EVI5: variants seen among roughly 807,000 people sequenced by gnomAD.
EVI5 encodes the protein ecotropic viral integration site 5.
EVI5 carries 73 observed loss-of-function variants against 112.0 expected under a neutral mutation model. The ratio of observed to expected loss-of-function variants is 0.65; its 90% CI spans 0.54 to 0.79. EVI5 has a LOEUF of 0.79. EVI5 is among the 30% of genes least tolerant of loss of function. The pLI is 0.00. For synonymous variants in EVI5, 305 were observed against 319.9 expected (o/e 0.95, Z 0.50); for missense variants, 900 against 968.8 (o/e 0.93, Z 0.94).
intron 18 of EVI5, among the ~76,000 whole-genome samples, chr1:92,587,388 CAA>C (rs35229896): frequency 0.83 from 103,809 of 124,354 alleles, 42,523 homozygotes; most frequent in South Asian, 0.92. Context: ...GCTTCAGGGG[CAA>C]AAAAAAAAAA....
chr1:92,652,893 C>T (rs139201427), intron 13 of EVI5, among the ~76,000 whole-genome samples: 211 of 152,266 alleles, frequency 1.4e-3, no homozygotes, highest in African/African-American at 4.7e-3. Flanking sequence ...TGGCAGAGAT[C>T]GGCTAGGAAC....
chr1:92,674,914 A>C (rs1666470568), intron 10 of EVI5, among the ~76,000 whole-genome samples: 1 of 152,240 alleles, frequency 6.6e-6, no homozygotes, highest in Non-Finnish European at 1.5e-5. Context: ...TGTTCCACTA[A>C]CTTTCTAAAC....
intron 19 of EVI5, among the ~76,000 whole-genome samples, chr1:92,535,053 A>G (rs1394926704): frequency 1.3e-5 from 2 of 152,220 alleles, no homozygotes; most frequent in Non-Finnish European, 2.9e-5. Flanking sequence ...AATATCCAGA[A>G]TCTACAAAGA....
chr1:92,703,231 T>C (rs1671473894), intron 4 of EVI5, among the ~76,000 whole-genome samples, 164 bp downstream of exon 4: 1 of 151,938 alleles, frequency 6.6e-6, no homozygotes, highest in South Asian at 2.1e-4. Context: ...CTATACTAGA[T>C]AGTAATGTAG....
intron 16 of EVI5, among the ~76,000 whole-genome samples, chr1:92,618,389 C>T (rs56015643): frequency 0.013 from 1,938 of 152,238 alleles, 40 homozygotes; most frequent in African/African-American, 0.044. Flanking sequence ...CTGGACACTT[C>T]GGGCTGTTCC....
chr1:92,703,853 C>G, intron 3 of EVI5: 1 of 348,546 alleles, frequency 2.9e-6, no homozygotes, highest in Non-Finnish European at 4.9e-6. Context: ...CAGTGTGTGA[C>G]CTCTTAAGGT....
chr1:92,612,279 A>G (rs1201292386), intron 16 of EVI5, among the ~76,000 whole-genome samples: 1 of 152,198 alleles, frequency 6.6e-6, no homozygotes. Context: ...AAGAGGAGGA[A>G]AGGAAGAAAA....
chr1:92,767,812 G>A (rs1178541682), intron 1 of EVI5, among the ~76,000 whole-genome samples: 1 of 152,152 alleles, frequency 6.6e-6, no homozygotes, highest in East Asian at 1.9e-4. Flanking sequence ...GAGCACAGTG[G>A]TTCACGCCTG....
chr1:92,608,115 C>A (rs1274155157), intron 16 of EVI5, among the ~76,000 whole-genome samples: 1 of 150,596 alleles, frequency 6.6e-6, no homozygotes, highest in Non-Finnish European at 1.5e-5. Context: ...TGAGCCACTG[C>A]ACTCCAGCCT....
intron 1 of EVI5, 111 bp downstream of exon 1, chr1:92,784,725 C>G (rs1230947403): frequency 1.2e-6 from 1 of 808,780 alleles, no homozygotes; most frequent in Non-Finnish European, 1.5e-6. Context: ...CACAGCAAAA[C>G]TTGCGGCGGC....
intron 9 of EVI5, among the ~76,000 whole-genome samples, chr1:92,690,805 C>T (rs1044085387): frequency 3.3e-5 from 5 of 152,134 alleles, no homozygotes; most frequent in African/African-American, 1.2e-4. Flanking sequence ...ATTACCTTAA[C>T]CTAGTCACCA....
At chr1:92,532,065 A>G (rs1017073013) in intron 19 of EVI5, among the ~76,000 whole-genome samples, 23 of 151,972 alleles carry the variant, frequency 1.5e-4, no homozygotes, top group Non-Finnish European at 3.1e-4. Context: ...AGACACACAT[A>G]GGCTCAAAAT....
chr1:92,571,029 T>C (rs966093590), intron 18 of EVI5, among the ~76,000 whole-genome samples: 1 of 151,874 alleles, frequency 6.6e-6, no homozygotes, highest in Admixed American at 6.6e-5. Flanking sequence ...GAAAACTATA[T>C]TTTTTATTAA....
chr1:92,592,059 T>C (rs570577715), intron 18 of EVI5, among the ~76,000 whole-genome samples: 18 of 152,086 alleles, frequency 1.2e-4, no homozygotes, highest in South Asian at 8.3e-4. Context: ...CTGGCTAACA[T>C]GGTGAAACCC....
At chr1:92,630,394 T>C (rs1248333308) in intron 14 of EVI5, among the ~76,000 whole-genome samples, 9 of 152,230 alleles carry the variant, frequency 5.9e-5, no homozygotes, top group Admixed American at 1.3e-4. Flanking sequence ...ATTGTGGTTT[T>C]GATTTGCATT....
chr1:92,732,400 C>CA (rs35893677), intron 2 of EVI5: 2 of 265,510 alleles, frequency 7.5e-6, no homozygotes, highest in Admixed American at 4.8e-5. Context: ...GGAAAGGTGA[C>CA]AAAAAATAGT....
Position 92,546,043 on chromosome 1 carries a change from T to A in EVI5, c.2166+17599A>T, listed in dbSNP as rs140825854. Among the ~76,000 whole-genome samples the A allele has an allele frequency of 1.2e-3, 177 of 152,240 alleles. 1 individual carries two copies. The highest frequency in any genetic ancestry group is 4.1e-3 in the African/African-American group (172 of 41,562). ...CTACTACAGTACTGCCCACACGAACTGCTTTTCCTTATCAGTCTAAACTCA... is the reference window on the plus strand; with the variant it reads ...CTACTACAGTACTGCCCACACGAACAGCTTTTCCTTATCAGTCTAAACTCA... On this transcript the variant is annotated intron_variant, in intron 19 of 19. Transcript: ENST00000684568.
intron 2 of EVI5, among the ~76,000 whole-genome samples, chr1:92,717,194 T>G (rs1405225289): frequency 1.3e-5 from 2 of 151,652 alleles, no homozygotes; most frequent in East Asian, 3.9e-4. Context: ...GTGACTGAAG[T>G]TCAAATTAAT....
intron 9 of EVI5, among the ~76,000 whole-genome samples, 166 bp from the exon 10 acceptor site, chr1:92,677,384 GTTC>G (rs1031381076): frequency 5.3e-5 from 8 of 152,116 alleles, no homozygotes; most frequent in Non-Finnish European, 1.2e-4. Flanking sequence ...GGCTTCATGA[GTTC>G]TTATTAAAAA....
Sources: gnomAD v4.1 joint callset for allele counts (sites outside exome capture counted in the v4.1 genomes callset) on GRCh38, gnomAD v4.1.1 for gene constraint, MANE v1.5 for transcripts, NCBI Gene and HGNC (gene_info 2026-07-23, HGNC 2026-07-21) for gene names.